Variants in NTM observed in about 807,000 individuals in gnomAD.
NTM encodes the protein neurotrimin, also known as IgLON family member 2.
Under a neutral mutation model 42.1 loss-of-function variants are expected in NTM, and 13 were observed. The observed-to-expected ratio is 0.31, with a 90% CI of 0.20 to 0.49. NTM has a LOEUF of 0.49. Among genes scored for constraint, NTM ranks in the 20% least tolerant of loss-of-function variants. NTM has a pLI of 0.99. For missense variants in NTM, 373 were observed against 452.8 expected (o/e 0.82, Z 1.60); for synonymous variants, 187 against 179.2 (o/e 1.04, Z -0.35).
intron 1 of NTM, among the ~76,000 whole-genome samples, chr11:131,648,338 A>G (rs1292896090): frequency 1.3e-5 from 2 of 152,114 alleles, no homozygotes; most frequent in South Asian, 2.1e-4. Flanking sequence ...AATGATTTAT[A>G]TTCCTCTGGG....
chr11:132,234,807 A>G (rs1566542262), intron 4 of NTM, among the ~76,000 whole-genome samples: 1 of 152,234 alleles, frequency 6.6e-6, no homozygotes, highest in Non-Finnish European at 1.5e-5. Flanking sequence ...TGTTTGAAGT[A>G]TGTGTCATTT....
chr11:132,214,552 C>T (rs895631604), intron 4 of NTM, among the ~76,000 whole-genome samples: 7 of 152,160 alleles, frequency 4.6e-5, no homozygotes, highest in African/African-American at 1.4e-4. Context: ...TCTCTTGCAG[C>T]GTCTGAAATG....
chr11:131,732,513 T>C (rs1565479609), intron 1 of NTM, among the ~76,000 whole-genome samples: 1 of 152,214 alleles, frequency 6.6e-6, no homozygotes, highest in Non-Finnish European at 1.5e-5. Flanking sequence ...ACTTTCTCAC[T>C]GTGAGATTTC....
intron 7 of NTM, 26 bp from the exon 8 acceptor site, chr11:132,330,127 A>G (rs2095771528): frequency 6.4e-7 from 1 of 1,551,518 alleles, no homozygotes; most frequent in African/African-American, 1.4e-5. Flanking sequence ...CGACCTTAAC[A>G]GTGGCTTGTT....
intron 2 of NTM, among the ~76,000 whole-genome samples, chr11:132,043,887 T>G (rs1359098897): frequency 2.6e-5 from 4 of 152,098 alleles, no homozygotes; most frequent in African/African-American, 9.7e-5. Context: ...TTCTCCTGGT[T>G]AAAGAAGGCC....
intron 1 of NTM, among the ~76,000 whole-genome samples, chr11:131,576,299 A>G (rs891939876): frequency 2.6e-5 from 4 of 152,172 alleles, no homozygotes; most frequent in Admixed American, 6.5e-5. Context: ...CAGGATGTGG[A>G]TATTTGAGGG....
intron 1 of NTM, among the ~76,000 whole-genome samples, chr11:131,389,761 G>A (rs985761857): frequency 2.0e-5 from 3 of 152,154 alleles, no homozygotes; most frequent in Admixed American, 1.3e-4. Context: ...AACTGGCTGC[G>A]TTACAAATAG....
chr11:131,401,225 C>T (rs1156313974), intron 1 of NTM, among the ~76,000 whole-genome samples: 1 of 152,128 alleles, frequency 6.6e-6, no homozygotes, highest in Non-Finnish European at 1.5e-5. Flanking sequence ...AAAGAATACA[C>T]TCTCAGGTCA....
At chr11:132,025,710 G>A (rs2075076625) in intron 2 of NTM, among the ~76,000 whole-genome samples, 2 of 152,188 alleles carry the variant, frequency 1.3e-5, no homozygotes, top group African/African-American at 2.4e-5. Context: ...TTGGCCGGGG[G>A]TGTGGCCTGA....
intron 1 of NTM, among the ~76,000 whole-genome samples, chr11:131,810,557 C>T (rs2092694871): frequency 6.6e-6 from 1 of 152,212 alleles, no homozygotes; most frequent in Non-Finnish European, 1.5e-5. Context: ...AGGTACCATG[C>T]TTGTGTCTGA....
chr11:132,059,562 G>T (rs11222894), intron 2 of NTM, among the ~76,000 whole-genome samples: 8,878 of 152,162 alleles, frequency 0.058, 302 homozygotes, highest in South Asian at 0.17. Context: ...CTGAACTCAA[G>T]TTCAGATCCT....
chr11:131,868,258 A>G (rs1310959509), intron 1 of NTM, among the ~76,000 whole-genome samples: 1 of 152,150 alleles, frequency 6.6e-6, no homozygotes, highest in East Asian at 1.9e-4. Flanking sequence ...ACTCTGTCCA[A>G]GCCCCGCAGC....
chr11:132,014,642 G>GAC (rs1443586703), intron 2 of NTM, among the ~76,000 whole-genome samples: 1 of 150,522 alleles, frequency 6.6e-6, no homozygotes, highest in Non-Finnish European at 1.5e-5. Context: ...GAGTGATGTT[G>GAC]ACCATTTTTT....
At chr11:131,910,837 G>C in intron 1 of NTM, 1 of 984,944 alleles carries the variant, frequency 1.0e-6, no homozygotes, top group South Asian at 4.7e-5. Flanking sequence ...GCGCGCATTT[G>C]GGCTCCGAGG....
At chr11:132,199,458 C>T (rs917189000) in intron 3 of NTM, among the ~76,000 whole-genome samples, 4 of 152,134 alleles carry the variant, frequency 2.6e-5, no homozygotes, top group East Asian at 3.8e-4. Flanking sequence ...TGTTCAGTGG[C>T]GTACATCTTT....
intron 8 of NTM, among the ~76,000 whole-genome samples, chr11:132,331,199 A>G (rs1177634560): frequency 1.3e-5 from 2 of 152,234 alleles, no homozygotes; most frequent in East Asian, 3.9e-4. Context: ...GAGACTTGGG[A>G]AAGTCACTTA....
rs76619703 is a variant in NTM, at chr11:132,309,457, C to T, written c.662-655C>T. On this transcript the variant is annotated intron_variant, in intron 5 of 8. Coordinates refer to ENST00000683400, the MANE Select transcript of NTM (RefSeq NM_001352005.2). ...ATACTTTTGGCAAGAACCTGGTGTG[C>T]AGAAATTCTAGAAGGCTGATTAAAG... 2.0e-3 allele frequency among the ~76,000 whole-genome samples: 307 copies of T among 152,258 alleles called. 1 individual carries two copies. Among genetic ancestry groups the T allele is most frequent in the African/African-American group, 7.1e-3 (295 of 41,558 alleles).
chr11:131,399,702 A>C lies in NTM; in HGVS notation c.82+28814A>C, dbSNP rs768279985. 1.2e-4 allele frequency among the ~76,000 whole-genome samples: 18 copies of C among 152,182 alleles called. 1 individual carries two copies. Among genetic ancestry groups the C allele is most frequent in the Non-Finnish European group, 2.1e-4 (14 of 68,048 alleles). On this transcript the variant is annotated intron_variant, in intron 1 of 8. Coordinates refer to ENST00000683400, the MANE Select transcript of NTM (RefSeq NM_001352005.2). Reference sequence around the variant, plus strand: ...GGCCGGCCATGGTTCTCTTGTGGTCAGCTCTTGTTCTAATCCTTAGCGCCC... The same window carrying C: ...GGCCGGCCATGGTTCTCTTGTGGTCCGCTCTTGTTCTAATCCTTAGCGCCC...
At chr11:131,820,093 G>A (rs565730883) in intron 1 of NTM, among the ~76,000 whole-genome samples, 50 of 152,306 alleles carry the variant, frequency 3.3e-4, no homozygotes, top group African/African-American at 1.1e-3. Flanking sequence ...CAGGCAGCTT[G>A]AAGCCCGCTG....
Sources: gnomAD v4.1 joint callset for allele counts (sites outside exome capture counted in the v4.1 genomes callset) on GRCh38, gnomAD v4.1.1 for gene constraint, MANE v1.5 for transcripts, NCBI Gene and HGNC (gene_info 2026-07-23, HGNC 2026-07-21) for gene names.